MICAL1: variants seen among roughly 807,000 people sequenced by gnomAD.
MICAL1 encodes the protein [F-actin]-monooxygenase MICAL1.
Under a neutral mutation model 131.8 loss-of-function variants are expected in MICAL1, and 95 were observed. That is an observed-to-expected ratio of 0.72 (90% CI 0.61 to 0.86). The LOEUF (loss-of-function observed/expected upper bound fraction) is 0.86, where lower values mean the gene tolerates loss of function less well. Ranked by LOEUF, MICAL1 falls within the 40% of genes least tolerant of loss-of-function variation. The pLI is 0.00. For missense variants in MICAL1, 1,292 were observed against 1,380.6 expected (o/e 0.94, Z 1.02); for synonymous variants, 546 against 554.2 (o/e 0.99, Z 0.21).
At chr6:109,464,876 T>C (rs1329081249) in intron 1 of MICAL1, 2 of 152,228 alleles carry the variant, frequency 1.3e-5, no homozygotes, top group Non-Finnish European at 2.9e-5. Flanking sequence ...AAATGAATTA[T>C]AAGCTTCCAT....
chr6:109,449,627 G>C (rs780228899), intron 10 of MICAL1, 30 bp downstream of exon 10: 1 of 1,588,500 alleles, frequency 6.3e-7, no homozygotes, highest in Non-Finnish European at 8.6e-7. Context: ...GTTGGCTTGG[G>C]AAGGCTGGTG....
At chr6:109,456,048 C>T (rs1297415823), upstream of MICAL1, 4 of 984,790 alleles carry the variant, frequency 4.1e-6, no homozygotes, top group Admixed American at 6.1e-5. Flanking sequence ...CCGTTCCGCT[C>T]TGGGGCCTCT....
At chr6:109,448,933 A>G (rs527986261) in intron 11 of MICAL1, 54 bp from the exon 12 acceptor site, 1 of 1,602,184 alleles carries the variant, frequency 6.2e-7, no homozygotes, top group African/African-American at 1.3e-5. Context: ...TCCCAGGCAT[A>G]TAGGGAGCCC....
chr6:109,448,472 A>G lies in MICAL1; in HGVS notation c.1665-79T>C, dbSNP rs1775348183. On this transcript the variant is annotated intron_variant, in intron 12 of 24. Coordinates refer to ENST00000358807, the MANE Select transcript of MICAL1 (RefSeq NM_022765.4). The stretch of plus-strand genomic sequence containing the variant: ...AGGGGAGGAAGGGCAGCAGGAGGGG[A>G]GGGACAGCAAGCAGCAGCTGGGGTA... The G allele has an allele frequency of 2.8e-5, 43 of 1,509,542 alleles. 1 individual carries two copies. In the South Asian group the frequency reaches 5.0e-4, roughly 17 times the overall value. The allele number at this position is 1,509,542 out of a possible 1,614,324, so 93.5% of individuals were successfully genotyped here.
chr6:109,452,511 C>T lies in MICAL1; in HGVS notation c.676G>A (p.Gly226Ser). Reference protein sequence around the residue: ...SAAGGKFVPEGFKVREMRGKL... With the variant: ...SAAGGKFVPESFKVREMRGKL... ...TTCTTTGAGGGAAGTGATCACTCAC[C>T]TTCAGGGACGAATTTACCTCCTGCA... Residue 226 changes from glycine to serine, a missense_variant and splice_region_variant, in exon 5 of 25, where the codon GGC becomes AGC. Gly to Ser is a moderately conservative substitution (Grantham distance 56). Transcript: ENST00000358807. The T allele has an allele frequency of 6.2e-7, 1 of 1,613,820 alleles. No homozygotes were observed. Among genetic ancestry groups the T allele is most frequent in the Non-Finnish European group, 8.5e-7 (1 of 1,179,874 alleles).
At position 109,449,810 on chromosome 6, in the gene MICAL1, G is replaced by A. The variant is rs765321164; in HGVS notation, c.1308-27C>T. 3 of 1,596,910 alleles carry A rather than the reference G, an allele frequency of 1.9e-6. No homozygotes were observed. In the Admixed American group the frequency reaches 5.2e-5, roughly 28 times the overall value. ...TGAGGGGGTGAGGGTAAGGGGCAGG[G>A]GCATGAATGGGAGGGCACCTGTCAG... On this transcript the variant is annotated intron_variant, in intron 9 of 24. Coordinates refer to ENST00000358807, the MANE Select transcript of MICAL1 (RefSeq NM_022765.4).
At chr6:109,457,171 G>A (rs1301747960), upstream of MICAL1, among the ~76,000 whole-genome samples, 2 of 152,160 alleles carry the variant, frequency 1.3e-5, no homozygotes, top group South Asian at 2.1e-4. Context: ...GCAGTGGGAC[G>A]AAAGCAAGGG....
intron 1 of MICAL1, chr6:109,464,722 C>G (rs1775991135): frequency 6.6e-6 from 1 of 152,294 alleles, no homozygotes; most frequent in East Asian, 1.9e-4. Flanking sequence ...GGGAGGGTTG[C>G]TTGAGCCCAG....
chr6:109,447,766 C>T (rs372396317), intron 14 of MICAL1, 44 bp from the exon 15 acceptor site: 6 of 1,613,490 alleles, frequency 3.7e-6, no homozygotes, highest in African/African-American at 1.3e-5. Flanking sequence ...TTTTGAGGTC[C>T]CAGTCCTCCC....
At chr6:109,450,177 C>A in intron 8 of MICAL1, 92 bp from the exon 9 acceptor site, 1 of 1,559,212 alleles carries the variant, frequency 6.4e-7, no homozygotes, top group Non-Finnish European at 8.7e-7. Flanking sequence ...GCAGAAGGGG[C>A]CATCCCCACA....
At chr6:109,457,543 CATAA>C (rs1775785489), upstream of MICAL1, among the ~76,000 whole-genome samples, 1 of 29,950 alleles carries the variant, frequency 3.3e-5, no homozygotes, top group African/African-American at 1.7e-3. Flanking sequence ...ATCCAGAGAC[CATAA>C]GAGATCCAGA....
Position 109,447,705 on chromosome 6 carries a change from A to T in MICAL1, c.1962T>A (p.Ala654=). 6.2e-7 allele frequency: 1 copy of T among 1,614,074 alleles called. No homozygotes were observed. Among genetic ancestry groups the T allele is most frequent in the African/African-American group, 1.3e-5 (1 of 75,008 alleles). ...CCTCCAAGCGCAGCTTCTTGCCACC[A>T]GCATCCTCTGCATTTTCCTGCAATA... ...RSRAKENAED[A]GGKKLRLEME... is the part of the protein sequence containing the mutation. The change falls in exon 15 of 25, where the codon GCT becomes GCA. Residue 654 remains alanine (A), a synonymous_variant. Coordinates refer to ENST00000358807, the MANE Select transcript of MICAL1 (RefSeq NM_022765.4).
At position 109,444,995 on chromosome 6, in the gene MICAL1, C is replaced by G. The variant is rs760096538; in HGVS notation, c.2882G>C (p.Ser961Thr). ...KLELALRRQS[S>T]SPEQQKKLWV... ...TAGTTTCTTTTGCTGTTCTGGGGAA[C>G]CTGAGAAGAAGGAAGATGGGTAGGG... Residue 961 changes from serine to threonine, a missense_variant and splice_region_variant, in exon 23 of 25, where the codon AGT becomes ACT. Coordinates refer to ENST00000358807, the MANE Select transcript of MICAL1 (RefSeq NM_022765.4). 3 of 1,613,610 alleles carry G rather than the reference C, an allele frequency of 1.9e-6. No homozygotes were observed. Among genetic ancestry groups the G allele is most frequent in the Non-Finnish European group, 2.5e-6 (3 of 1,180,026 alleles).
chr6:109,458,556 A>G (rs1022323233), upstream of MICAL1, among the ~76,000 whole-genome samples: 1 of 152,126 alleles, frequency 6.6e-6, no homozygotes, highest in African/African-American at 2.4e-5. Context: ...AGATCGTTCC[A>G]TTGCACTCCA....
Position 109,452,577 on chromosome 6 carries a change from C to T in MICAL1, c.610G>A (p.Ala204Thr). The T allele has an allele frequency of 6.2e-7, 1 of 1,613,276 alleles. No individual in the cohort carries two copies. ...WRAQLQPNPP[A>T]QLANYEFDVL... ...TCAAATTCATAGTTGGCCAGCTGGG[C>T]AGGGGGGTTGGGTTGGAGCTGGGCA... The change falls in exon 5 of 25, where the codon GCC (alanine) becomes ACC (threonine). Residue 204 changes from alanine to threonine, a missense_variant. By Grantham distance (58) the Ala-to-Thr change is moderately conservative. Coordinates refer to ENST00000358807, the MANE Select transcript of MICAL1 (RefSeq NM_022765.4).
rs370999042 is a variant in MICAL1, at chr6:109,446,679, A to G, written c.2304+17T>C. Reference sequence around the variant, plus strand: ...TCTTCCCATGCCCCAATATACATACACGCCTTCAGTCTTTACCGGACTCTC... The same window carrying G: ...TCTTCCCATGCCCCAATATACATACGCGCCTTCAGTCTTTACCGGACTCTC... On this transcript the variant is annotated intron_variant, in intron 18 of 24. Transcript: ENST00000358807. The G allele has an allele frequency of 4.3e-6, 7 of 1,611,266 alleles. No individual in the cohort carries two copies. Among genetic ancestry groups the G allele is most frequent in the Non-Finnish European group, 5.1e-6 (6 of 1,178,458 alleles).
chr6:109,455,662 C>G lies in MICAL1; in HGVS notation c.-44+57G>C, dbSNP rs1057271055. On this transcript the variant is annotated intron_variant, in intron 1 of 24. Coordinates refer to ENST00000358807, the MANE Select transcript of MICAL1 (RefSeq NM_022765.4). This position sits in a 1 kb window ranked among gnomAD's most constrained non-coding sequence, Gnocchi z 4.7. ...GCAGCTGCGTTTCCCCGGAAGCGCA[C>G]CCCACCTCACCCCACCCGGCCGCGG... The G allele has an allele frequency of 4.1e-6, 4 of 978,124 alleles. No individual in the cohort carries two copies. In the African/African-American group the frequency reaches 7.0e-5, roughly 17 times the overall value. The allele number at this position is 978,124 out of a possible 1,614,324, so 60.6% of individuals were successfully genotyped here.
chr6:109,444,884 C>T lies in MICAL1; in HGVS notation c.2981+12G>A. 6.2e-7 allele frequency: 1 copy of T among 1,614,158 alleles called. No individual in the cohort carries two copies. Among genetic ancestry groups the T allele is most frequent in the Non-Finnish European group, 8.5e-7 (1 of 1,180,012 alleles). ...GGCCCATGGGCCACTGTCACCATCC[C>T]CTTCCCCTTACGTGATCATGAGCTC... On this transcript the variant is annotated intron_variant, in intron 23 of 24. Coordinates refer to ENST00000358807, the MANE Select transcript of MICAL1 (RefSeq NM_022765.4).
At chr6:109,451,915 G>A in intron 6 of MICAL1, 3 of 1,385,570 alleles carry the variant, frequency 2.2e-6, no homozygotes, top group Non-Finnish European at 2.8e-6. Flanking sequence ...GAAGCTTGGA[G>A]GGGGGTGGCA....
Sources: gnomAD v4.1 joint callset for allele counts (sites outside exome capture counted in the v4.1 genomes callset) on GRCh38, gnomAD v4.1.1 for gene constraint, Gnocchi (gnomAD v3.1) non-coding constraint, MANE v1.5 for transcripts, NCBI Gene and HGNC (gene_info 2026-07-23, HGNC 2026-07-21) for gene names.